CSNK2A2IP: variants seen among roughly 807,000 people sequenced by gnomAD.
CSNK2A2IP encodes the protein casein kinase II subunit alpha'-interacting protein.
At chr3:88,363,542 T>C in the CSNK2A2IP span, among the ~76,000 whole-genome samples, 8 of 152,212 alleles carry the variant, frequency 5.3e-5, no homozygotes, top group African/African-American at 1.9e-4. Flanking sequence ...TCTTCTTGCT[T>C]GGTATCTTTG....
At chr3:88,386,674 T>A in the CSNK2A2IP span, among the ~76,000 whole-genome samples, 1 of 152,132 alleles carries the variant, frequency 6.6e-6, no homozygotes, top group African/African-American at 2.4e-5. Context: ...ATGTTGGATG[T>A]TATTGGGGGG....
the CSNK2A2IP span, among the ~76,000 whole-genome samples, chr3:88,454,924 ACT>A: frequency 6.6e-6 from 1 of 151,642 alleles, no homozygotes; most frequent in Non-Finnish European, 1.5e-5. Context: ...CTGTCATTCT[ACT>A]CTGTTACTGT....
chr3:88,435,174 C>T, the CSNK2A2IP span, among the ~76,000 whole-genome samples: 1 of 152,128 alleles, frequency 6.6e-6, no homozygotes, highest in Admixed American at 6.6e-5. Context: ...GTGAAATATT[C>T]CCCATATTGT....
chr3:88,382,706 A>T, the CSNK2A2IP span: 3 of 152,192 alleles, frequency 2.0e-5, no homozygotes, highest in African/African-American at 7.2e-5. Context: ...GATGCAGAAG[A>T]TATTAATCAT....
the CSNK2A2IP span, among the ~76,000 whole-genome samples, chr3:88,439,024 GTC>G: frequency 6.6e-6 from 1 of 151,934 alleles, no homozygotes. Context: ...GCCTGATTGC[GTC>G]TCTAGCATTG....
the CSNK2A2IP span, among the ~76,000 whole-genome samples, chr3:88,462,161 G>A: frequency 1.3e-5 from 2 of 149,592 alleles, no homozygotes; most frequent in African/African-American, 4.9e-5. Flanking sequence ...TTTACATTCT[G>A]TGATTTGCCT....
the CSNK2A2IP span, among the ~76,000 whole-genome samples, chr3:88,347,547 A>G: frequency 6.6e-6 from 1 of 152,024 alleles, no homozygotes; most frequent in African/African-American, 2.4e-5. Context: ...GATTGTTAGC[A>G]TTTTTTAGCA....
At chr3:88,418,463 T>TGTGTGTGCGCGCGC in the CSNK2A2IP span, among the ~76,000 whole-genome samples, 12,539 of 149,354 alleles carry the variant, frequency 0.084, 697 homozygotes, top group East Asian at 0.17. Flanking sequence ...TGTGTGTGTG[T>TGTGTGTGCGCGCGC]GCGCGCGGGC....
At chr3:88,423,033 G>A in the CSNK2A2IP span, among the ~76,000 whole-genome samples, 1 of 152,156 alleles carries the variant, frequency 6.6e-6, no homozygotes. Context: ...GAAGAAGCCT[G>A]GTGAGAATCT....
chr3:88,365,223 C>G, the CSNK2A2IP span, among the ~76,000 whole-genome samples: 3 of 152,084 alleles, frequency 2.0e-5, no homozygotes, highest in Admixed American at 6.6e-5. Context: ...TTACTGTTAA[C>G]AATACCAGGG....
At chr3:88,363,134 G>C in the CSNK2A2IP span, among the ~76,000 whole-genome samples, 1 of 152,176 alleles carries the variant, frequency 6.6e-6, no homozygotes, top group Non-Finnish European at 1.5e-5. Context: ...TGCCTGCAGA[G>C]TGGGGATGGG....
the CSNK2A2IP span, among the ~76,000 whole-genome samples, chr3:88,442,412 C>A: frequency 6.6e-6 from 1 of 151,726 alleles, no homozygotes; most frequent in Non-Finnish European, 1.5e-5. Context: ...CTAAGGGATG[C>A]CAATATAGGT....
the CSNK2A2IP span, among the ~76,000 whole-genome samples, chr3:88,460,345 A>G: frequency 2.9e-3 from 437 of 152,312 alleles, 2 homozygotes; most frequent in African/African-American, 9.8e-3. Flanking sequence ...TCTGGTTTCT[A>G]TCTCAAATAG....
the CSNK2A2IP span, among the ~76,000 whole-genome samples, chr3:88,459,046 A>G: frequency 6.6e-6 from 1 of 152,232 alleles, no homozygotes; most frequent in East Asian, 1.9e-4. Context: ...GCTTATTCCT[A>G]TTTATTAATG....
chr3:88,387,820 A>G, the CSNK2A2IP span, among the ~76,000 whole-genome samples: 6 of 152,114 alleles, frequency 3.9e-5, no homozygotes, highest in Non-Finnish European at 7.4e-5. Flanking sequence ...TGAACTCCTG[A>G]GCCCAAGGGA....
chr3:88,465,425 C>G, the CSNK2A2IP span: 7 of 1,231,516 alleles, frequency 5.7e-6, no homozygotes, highest in Admixed American at 3.0e-4. Flanking sequence ...CTGTCCTCAG[C>G]CAATACATTA....
the CSNK2A2IP span, among the ~76,000 whole-genome samples, chr3:88,345,634 G>T: frequency 6.6e-6 from 1 of 151,690 alleles, no homozygotes; most frequent in African/African-American, 2.4e-5. Flanking sequence ...AATTGTTTGG[G>T]GATGCCACAA....
At chr3:88,362,608 A>G in the CSNK2A2IP span, among the ~76,000 whole-genome samples, 6 of 152,174 alleles carry the variant, frequency 3.9e-5, no homozygotes, top group African/African-American at 1.4e-4. Flanking sequence ...CCCAAGGCCC[A>G]TGGCTGCTAC....
At chr3:88,341,615 G>GA in the CSNK2A2IP span, among the ~76,000 whole-genome samples, 64,317 of 150,394 alleles carry the variant, frequency 0.43, 15,204 homozygotes, top group South Asian at 0.61. Flanking sequence ...ATTCCCACAG[G>GA]AAAAAAAAAC....
Sources: gnomAD v4.1 joint callset for allele counts (sites outside exome capture counted in the v4.1 genomes callset) on GRCh38, gnomAD v4.1.1 for gene constraint, MANE v1.5 for transcripts, NCBI Gene and HGNC (gene_info 2026-07-23, HGNC 2026-07-21) for gene names.